Variants in FOXP2 observed in about 807,000 individuals in gnomAD.
FOXP2 encodes forkhead box P2.
FOXP2 carries 12 observed loss-of-function variants against 115.8 expected under a neutral mutation model. That is an observed-to-expected ratio of 0.10 (90% CI 0.07 to 0.17). The LOEUF is 0.17. Ranked by LOEUF, FOXP2 falls within the 10% of genes least tolerant of loss-of-function variation. The pLI, the probability that FOXP2 is intolerant of heterozygous loss-of-function variation, is 1.00. For synonymous variants in FOXP2, 328 were observed against 297.7 expected, an observed-to-expected ratio of 1.10 and a Z score of -1.05; for missense variants, 629 against 843.5, an observed-to-expected ratio of 0.75 and a Z score of 3.15.
chr7:114,132,067 AATATT>A lies in FOXP2; in HGVS notation c.-246-30875_-246-30871del, dbSNP rs551881649. ...AAGCAAAAAAACGCTTTGTTAAACT[AATATT>A]AAATTATAATTTACCATGGGCAAAA... On this transcript the variant is annotated intron_variant, in intron 1 of 19. Coordinates refer to the FOXP2 transcript ENST00000635638. Among the ~76,000 whole-genome samples the A allele has an allele frequency of 4.7e-3, 716 of 152,282 alleles. 5 individuals carry two copies. Among genetic ancestry groups the A allele is most frequent in the African/African-American group, 0.016 (679 of 41,546 alleles).
At chr7:114,357,166 A>G (rs965165176) in intron 2 of FOXP2, among the ~76,000 whole-genome samples, 1 of 151,840 alleles carries the variant, frequency 6.6e-6, no homozygotes, top group Admixed American at 6.6e-5. Flanking sequence ...CTAAGGATAG[A>G]CTCTCATTTG....
chr7:114,383,895 C>G (rs577408983), intron 2 of FOXP2, among the ~76,000 whole-genome samples: 1 of 152,228 alleles, frequency 6.6e-6, no homozygotes, highest in Non-Finnish European at 1.5e-5. Context: ...TTCCAGGGTG[C>G]GTAACCACCC....
chr7:114,530,795 C>G (rs1023841736), intron 2 of FOXP2, among the ~76,000 whole-genome samples: 2 of 151,726 alleles, frequency 1.3e-5, no homozygotes, highest in Non-Finnish European at 3.0e-5. Flanking sequence ...GCTTTTCTTA[C>G]AAAAATTTAG....
At chr7:114,671,981 A>G (rs914887674) in intron 16 of FOXP2, among the ~76,000 whole-genome samples, 5 of 152,252 alleles carry the variant, frequency 3.3e-5, no homozygotes, top group Non-Finnish European at 7.3e-5. Context: ...ACACAGGGTT[A>G]CTACATTCCA....
intron 2 of FOXP2, among the ~76,000 whole-genome samples, chr7:114,467,547 G>T (rs1193074445): frequency 6.6e-6 from 1 of 152,062 alleles, no homozygotes; most frequent in African/African-American, 2.4e-5. Context: ...TGCAACTATT[G>T]CAACTGTGAA....
At chr7:114,271,590 TTATAA>T (rs1339531747) in intron 1 of FOXP2, among the ~76,000 whole-genome samples, 3 of 124,468 alleles carry the variant, frequency 2.4e-5, no homozygotes, top group East Asian at 4.3e-4. Context: ...ATTAATATTA[TTATAA>T]TATAATATTA....
chr7:114,442,669 G>A (rs1794658712), intron 2 of FOXP2, among the ~76,000 whole-genome samples: 1 of 152,042 alleles, frequency 6.6e-6, no homozygotes. Context: ...GCTGAGGTTG[G>A]CCTCAAACTC....
At chr7:114,107,442 C>T (rs993311961) in intron 1 of FOXP2, among the ~76,000 whole-genome samples, 3 of 151,836 alleles carry the variant, frequency 2.0e-5, no homozygotes, top group African/African-American at 4.8e-5. Flanking sequence ...GTTGAAAATA[C>T]CAAGCTTTTA....
intron 2 of FOXP2, among the ~76,000 whole-genome samples, chr7:114,312,460 C>T (rs1454199321): frequency 2.6e-5 from 4 of 152,164 alleles, no homozygotes; most frequent in Non-Finnish European, 5.9e-5. Flanking sequence ...AGAGCCATTT[C>T]TTCAAACCTG....
At chr7:114,500,537 T>C (rs932174346) in intron 2 of FOXP2, among the ~76,000 whole-genome samples, 6 of 152,172 alleles carry the variant, frequency 3.9e-5, no homozygotes, top group Admixed American at 2.6e-4. Context: ...ACATTTAAAA[T>C]CTACAGAGGA....
chr7:114,616,730 T>A (rs1803971384), intron 3 of FOXP2, among the ~76,000 whole-genome samples: 1 of 152,192 alleles, frequency 6.6e-6, no homozygotes, highest in Non-Finnish European at 1.5e-5. Flanking sequence ...CTATCATTGA[T>A]ATGCTAATGA....
intron 2 of FOXP2, among the ~76,000 whole-genome samples, chr7:114,348,564 C>T (rs1404178618): frequency 6.6e-6 from 1 of 151,856 alleles, no homozygotes; most frequent in African/African-American, 2.4e-5. Flanking sequence ...TAGCTCTGTA[C>T]CAGCTGTTTC....
chr7:114,162,940 C>T (rs1792881111), upstream of FOXP2: 1 of 152,068 alleles, frequency 6.6e-6, no homozygotes, highest in Admixed American at 6.6e-5. Context: ...TAATTTCCCT[C>T]TAGATCAAAC....
At chr7:114,314,659 TGGTATGTAGTA>T (rs935410906) in intron 2 of FOXP2, among the ~76,000 whole-genome samples, 3 of 152,210 alleles carry the variant, frequency 2.0e-5, no homozygotes, top group Non-Finnish European at 4.4e-5. Context: ...AACCTCAGGT[TGGTATGTAGTA>T]GGTACCTAAT....
chr7:114,609,430 A>ATCCT (rs1803513333), intron 3 of FOXP2, among the ~76,000 whole-genome samples: 1 of 152,180 alleles, frequency 6.6e-6, no homozygotes, highest in Non-Finnish European at 1.5e-5. Flanking sequence ...AAATGAGAAA[A>ATCCT]TAGTAAAACC....
Position 114,435,195 on chromosome 7 carries a change from C to T in FOXP2, c.168+8516C>T, listed in dbSNP as rs73434168. 7.5e-3 allele frequency among the ~76,000 whole-genome samples: 1,147 copies of T among 152,168 alleles called. 10 individuals carry two copies. The highest frequency in any genetic ancestry group is 0.026 in the African/African-American group (1,094 of 41,532). ...GAAAGCATTTCCCCAGCCTTCAGTACAGAAGATAGTCATGCCATGATAGAG... is the reference window on the plus strand; with the variant it reads ...GAAAGCATTTCCCCAGCCTTCAGTATAGAAGATAGTCATGCCATGATAGAG... On this transcript the variant is annotated intron_variant, in intron 2 of 16. Coordinates refer to ENST00000350908, the MANE Select transcript of FOXP2 (RefSeq NM_014491.4).
intron 7 of FOXP2, 128 bp downstream of exon 7, chr7:114,642,751 TTTAGA>T: frequency 2.3e-6 from 1 of 430,356 alleles, no homozygotes; most frequent in Non-Finnish European, 4.2e-6. Context: ...ATTAGAAATC[TTTAGA>T]TTATTTATCT....
intron 1 of FOXP2, among the ~76,000 whole-genome samples, chr7:114,221,205 T>C (rs1025054001): frequency 1.3e-5 from 2 of 152,208 alleles, no homozygotes; most frequent in African/African-American, 4.8e-5. Flanking sequence ...ATTTTGACAC[T>C]AAGCCTTTGA....
intron 3 of FOXP2, among the ~76,000 whole-genome samples, chr7:114,549,220 C>T (rs755245567): frequency 9.9e-5 from 15 of 152,148 alleles, no homozygotes; most frequent in Non-Finnish European, 1.9e-4. Flanking sequence ...CCCACATAAA[C>T]CCCAGAATTG....
Sources: gnomAD v4.1 joint callset for allele counts (sites outside exome capture counted in the v4.1 genomes callset) on GRCh38, gnomAD v4.1.1 for gene constraint, MANE v1.5 for transcripts, NCBI Gene and HGNC (gene_info 2026-07-23, HGNC 2026-07-21) for gene names.